The following MAK variants were observed in gnomAD, a reference collection of about 807,000 sequenced individuals.
MAK encodes male germ cell associated kinase.
MAK carries 65 observed loss-of-function variants against 82.6 expected under a neutral mutation model. That is an observed-to-expected ratio of 0.79 (90% CI 0.64 to 0.97). The LOEUF (loss-of-function observed/expected upper bound fraction) is 0.97, where lower values mean the gene tolerates loss of function less well. Ranked by LOEUF, MAK falls within the 50% of genes least tolerant of loss-of-function variation. The pLI is 0.00. For missense variants in MAK, 703 were observed against 780.2 expected, an observed-to-expected ratio of 0.90 and a Z score of 1.18; for synonymous variants, 250 against 274.2, an observed-to-expected ratio of 0.91 and a Z score of 0.87.
intron 10 of MAK, among the ~76,000 whole-genome samples, chr6:10,790,947 TCTCTCTTGCTCC>T (rs1459725754): frequency 3.9e-5 from 6 of 152,280 alleles, no homozygotes; most frequent in African/African-American, 1.2e-4. Flanking sequence ...CTCCTCCCTC[TCTCTCTTGCTCC>T]CTCTCTTGCC....
At chr6:10,816,773 A>C (rs968273967) in intron 4 of MAK, among the ~76,000 whole-genome samples, 1 of 152,214 alleles carries the variant, frequency 6.6e-6, no homozygotes, top group Non-Finnish European at 1.5e-5. Flanking sequence ...ATTTATTTTA[A>C]ATAGTTCAAA....
chr6:10,811,041 C>T (rs775372046), intron 5 of MAK, among the ~76,000 whole-genome samples: 7 of 152,118 alleles, frequency 4.6e-5, no homozygotes, highest in Non-Finnish European at 1.0e-4. Context: ...CTCTGTCACC[C>T]AGGCTGGAGT....
chr6:10,796,029 A>G lies in MAK; in HGVS notation c.1112T>C (p.Leu371Pro), dbSNP rs987328754. The G allele has an allele frequency of 1.9e-6, 3 of 1,613,974 alleles. No individual in the cohort carries two copies. Among genetic ancestry groups the G allele is most frequent in the Non-Finnish European group, 2.5e-6 (3 of 1,179,870 alleles). ...CATGTTTTTGACGATGCTCGGGAAT[A>G]GCGTTTGTGGCGGTTTCTCCTGACT... ...QQSQEKPPQT[L>P]FPSIVKNMPT... The change falls in exon 9 of 15, where the codon CTA (leucine) becomes CCA (proline). Residue 371 changes from leucine (L) to proline (P), a missense_variant. Physicochemically the swap from Leu to Pro is moderately conservative, Grantham distance 98 (BLOSUM62 -3). Coordinates refer to ENST00000354489, the MANE Select transcript of MAK (RefSeq NM_001242957.3).
At chr6:10,791,952 G>A (rs1775127566) in intron 9 of MAK, 105 bp from the exon 10 acceptor site, 6 of 1,273,070 alleles carry the variant, frequency 4.7e-6, no homozygotes, top group South Asian at 1.2e-5. Flanking sequence ...TTCTCAAGGA[G>A]CGTTCCATAC....
chr6:10,789,873 C>T (rs1270299953), intron 10 of MAK, among the ~76,000 whole-genome samples: 1 of 152,160 alleles, frequency 6.6e-6, no homozygotes, highest in African/African-American at 2.4e-5. Context: ...CCAGGCTGGT[C>T]TCAATCTCCT....
chr6:10,802,529 G>T, intron 7 of MAK: 1 of 156,618 alleles, frequency 6.4e-6, no homozygotes, highest in Non-Finnish European at 1.4e-5. Context: ...TTGAACTCCT[G>T]GGCTCAAGTG....
chr6:10,818,870 A>G lies in MAK; in HGVS notation c.156+16T>C. On this transcript the variant is annotated intron_variant, in intron 3 of 14. Coordinates refer to ENST00000354489, the MANE Select transcript of MAK (RefSeq NM_001242957.3). ...GTTAAGGCCTTCTCAGGTTCTTTTC[A>G]TCTTTAGGATTTTACCTTAACTTCT... 4.7e-6 allele frequency: 7 copies of G among 1,494,774 alleles called. No individual in the cohort carries two copies. Among genetic ancestry groups the G allele is most frequent in the Non-Finnish European group, 5.6e-6 (6 of 1,073,146 alleles). 92.6% of individuals were successfully genotyped at this position (1,494,774 alleles called of 1,614,324 possible). A position where few individuals can be genotyped will look rare whatever the true frequency, so the allele number is the denominator to read the frequency against.
chr6:10,838,484 G>C lies in MAK; in HGVS notation c.-230+19C>G, dbSNP rs923911499. 1 of 152,274 alleles carries C rather than the reference G, an allele frequency of 6.6e-6. No individual in the cohort carries two copies. The highest frequency in any genetic ancestry group is 2.4e-5 in the African/African-American group (1 of 41,444). The allele number at this position is 152,274 out of a possible 1,614,324, so 9.4% of individuals were successfully genotyped here. A position where few individuals can be genotyped will look rare whatever the true frequency, so the allele number is the denominator to read the frequency against. ...CCCTGCAGCCCGCTGGGGATTACCT[G>C]TCCGCGCCTGCTGCTTACCTCGTTC... On this transcript the variant is annotated intron_variant, in intron 1 of 14. Coordinates refer to ENST00000354489, the MANE Select transcript of MAK (RefSeq NM_001242957.3).
At chr6:10,812,621 TC>T (rs1318045720) in intron 5 of MAK, among the ~76,000 whole-genome samples, 2 of 151,942 alleles carry the variant, frequency 1.3e-5, no homozygotes, top group African/African-American at 4.8e-5. Flanking sequence ...CAAAAGAAGG[TC>T]CTTTTTTTTT....
At chr6:10,806,301 A>G (rs1776443621) in intron 6 of MAK, among the ~76,000 whole-genome samples, 1 of 149,330 alleles carries the variant, frequency 6.7e-6, no homozygotes, top group African/African-American at 2.5e-5. Context: ...CAGCCTCCCA[A>G]GTTACAAGTA....
intron 5 of MAK, among the ~76,000 whole-genome samples, chr6:10,810,363 T>TTTTTTTC (rs1776834907): frequency 6.7e-6 from 1 of 148,188 alleles, no homozygotes; most frequent in Non-Finnish European, 1.5e-5. Context: ...TTTTTTTTTT[T>TTTTTTTC]TGTTTTGAGA....
intron 14 of MAK, among the ~76,000 whole-genome samples, chr6:10,765,440 ATTT>A (rs200536068): frequency 2.0e-3 from 266 of 130,336 alleles, no homozygotes; most frequent in African/African-American, 7.9e-3. Context: ...TAGAATGAAG[ATTT>A]TTTTTTTTTT....
intron 11 of MAK, among the ~76,000 whole-genome samples, chr6:10,778,294 A>G (rs947446252): frequency 3.9e-5 from 6 of 152,210 alleles, no homozygotes; most frequent in Non-Finnish European, 8.8e-5. Flanking sequence ...TAAATACATA[A>G]TGAGCAGGGT....
chr6:10,788,100 C>T (rs1774746434), intron 10 of MAK, among the ~76,000 whole-genome samples: 1 of 151,748 alleles, frequency 6.6e-6, no homozygotes, highest in African/African-American at 2.4e-5. Flanking sequence ...AAGCAATCCT[C>T]TCACCTCAGC....
intron 5 of MAK, among the ~76,000 whole-genome samples, chr6:10,812,257 A>C (rs1776995178): frequency 6.6e-6 from 1 of 152,086 alleles, no homozygotes; most frequent in Admixed American, 6.6e-5. Context: ...AAGGGAAACT[A>C]ATGGTGATTT....
chr6:10,795,118 C>A (rs902574899), intron 9 of MAK, among the ~76,000 whole-genome samples: 1 of 152,082 alleles, frequency 6.6e-6, no homozygotes, highest in African/African-American at 2.4e-5. Context: ...CTCTGGAGTA[C>A]CCGATTCTTT....
chr6:10,808,110 T>C (rs114409277), intron 6 of MAK, among the ~76,000 whole-genome samples: 2,322 of 152,080 alleles, frequency 0.015, 54 homozygotes, highest in South Asian at 0.047. Flanking sequence ...AGAAGGCCCC[T>C]TGTGCACTAG....
At chr6:10,818,607 C>CT (rs1311538996) in intron 3 of MAK, among the ~76,000 whole-genome samples, 3 of 93,840 alleles carry the variant, frequency 3.2e-5, no homozygotes, top group Non-Finnish European at 6.4e-5. Context: ...GAGTAAGACT[C>CT]TGTCACAAAA....
At chr6:10,789,766 C>T (rs1334350655) in intron 10 of MAK, among the ~76,000 whole-genome samples, 1 of 152,166 alleles carries the variant, frequency 6.6e-6, no homozygotes, top group Non-Finnish European at 1.5e-5. Flanking sequence ...CAAGTTTCTC[C>T]TGCCTCAGCC....
Sources: allele counts gnomAD v4.1 joint callset (sites outside exome capture counted in the v4.1 genomes callset), GRCh38; gene constraint gnomAD v4.1.1; transcripts MANE v1.5; gene names NCBI Gene and HGNC (gene_info 2026-07-23, HGNC 2026-07-21).